Variants in HMGCLL1 observed in about 807,000 individuals in gnomAD.
HMGCLL1 encodes the protein 3-hydroxymethyl-3-methylglutaryl-CoA lyase, cytoplasmic.
HMGCLL1 carries 36 observed loss-of-function variants against 39.1 expected under a neutral mutation model. The ratio of observed to expected loss-of-function variants is 0.92; its 90% CI spans 0.71 to 1.22. The LOEUF (loss-of-function observed/expected upper bound fraction) is 1.22. HMGCLL1 is among the 50% of genes most tolerant of loss of function. The pLI is 0.00. For missense variants in HMGCLL1, 451 were observed against 416.5 expected (o/e 1.08, Z -0.72); for synonymous variants, 149 against 144.0 (o/e 1.03, Z -0.25).
the HMGCLL1 span, among the ~76,000 whole-genome samples, chr6:55,630,300 G>A: frequency 6.6e-6 from 1 of 152,100 alleles, no homozygotes; most frequent in African/African-American, 2.4e-5. Context: ...CAAGAATGGG[G>A]TGGGTGGCCC....
chr6:55,634,227 A>G, the HMGCLL1 span, among the ~76,000 whole-genome samples: 35 of 152,250 alleles, frequency 2.3e-4, no homozygotes, highest in East Asian at 6.4e-3. Context: ...AGATATTAAT[A>G]AAATTGATAG....
intron 1 of HMGCLL1, among the ~76,000 whole-genome samples, chr6:55,575,818 T>C (rs1771734462): frequency 6.6e-6 from 1 of 152,132 alleles, no homozygotes; most frequent in Non-Finnish European, 1.5e-5. Flanking sequence ...TCAAACTCTA[T>C]ACCATGTCCC....
intron 7 of HMGCLL1, among the ~76,000 whole-genome samples, chr6:55,481,155 T>A (rs533193955): frequency 6.6e-6 from 1 of 151,956 alleles, no homozygotes; most frequent in Non-Finnish European, 1.5e-5. Flanking sequence ...CTAATGTGGG[T>A]GGATTGCTTG....
chr6:55,486,660 C>A (rs74748359), intron 7 of HMGCLL1, among the ~76,000 whole-genome samples: 1 of 152,080 alleles, frequency 6.6e-6, no homozygotes, highest in African/African-American at 2.4e-5. Context: ...CGTCACCTTA[C>A]ATACACTCAC....
At chr6:55,675,965 C>T in the HMGCLL1 span, among the ~76,000 whole-genome samples, 1 of 152,106 alleles carries the variant, frequency 6.6e-6, no homozygotes, top group Non-Finnish European at 1.5e-5. Context: ...CATATCAAAG[C>T]TCTGAGCTGC....
intron 1 of HMGCLL1, among the ~76,000 whole-genome samples, chr6:55,554,048 C>T (rs1436809593): frequency 2.6e-5 from 4 of 152,076 alleles, no homozygotes; most frequent in Non-Finnish European, 5.9e-5. Context: ...TGAGAGGCAA[C>T]AGAGGGGCAC....
chr6:55,523,719 G>C (rs1768159583), intron 3 of HMGCLL1, among the ~76,000 whole-genome samples: 1 of 151,888 alleles, frequency 6.6e-6, no homozygotes. Context: ...TAGAGCAAGA[G>C]TGCATATTCA....
chr6:55,554,058 CTCACTTCAACATGAGGATAAATGAG>C (rs1300736836), intron 1 of HMGCLL1, among the ~76,000 whole-genome samples: 5 of 152,130 alleles, frequency 3.3e-5, no homozygotes, highest in Non-Finnish European at 7.3e-5. Flanking sequence ...CAGAGGGGCA[CTCACTTCAACATGAGGATAAATGAG>C]AGCTCGTATT....
At chr6:55,466,934 G>C in intron 7 of HMGCLL1, among the ~76,000 whole-genome samples, 1 of 151,974 alleles carries the variant, frequency 6.6e-6, no homozygotes, top group East Asian at 1.9e-4. Context: ...TGAAGTTTTG[G>C]CATCAGAATG....
intron 1 of HMGCLL1, among the ~76,000 whole-genome samples, chr6:55,567,009 T>TG (rs1771249688): frequency 6.6e-6 from 1 of 152,128 alleles, no homozygotes; most frequent in Non-Finnish European, 1.5e-5. Context: ...GACCTAAGTG[T>TG]TTATGTCCTT....
chr6:55,668,032 A>G, the HMGCLL1 span, among the ~76,000 whole-genome samples: 1 of 151,836 alleles, frequency 6.6e-6, no homozygotes, highest in Non-Finnish European at 1.5e-5. Context: ...ATTCACTTCT[A>G]TGGCACACTG....
intron 1 of HMGCLL1, chr6:55,576,995 G>A (rs1771789632): frequency 1.3e-6 from 2 of 1,564,380 alleles, no homozygotes; most frequent in South Asian, 2.3e-5. Context: ...TACACAAACA[G>A]TAATCAAATC....
At chr6:55,651,864 T>A in the HMGCLL1 span, among the ~76,000 whole-genome samples, 1 of 152,072 alleles carries the variant, frequency 6.6e-6, no homozygotes, top group Non-Finnish European at 1.5e-5. Context: ...TTCTCTGTTG[T>A]GAGAGAGCAG....
intron 5 of HMGCLL1, among the ~76,000 whole-genome samples, chr6:55,503,205 A>C (rs979369985): frequency 6.6e-6 from 1 of 151,814 alleles, no homozygotes; most frequent in Non-Finnish European, 1.5e-5. Flanking sequence ...TTAATTTCTT[A>C]ATTTGGGTTT....
At chr6:55,639,582 T>C in the HMGCLL1 span, among the ~76,000 whole-genome samples, 2 of 151,990 alleles carry the variant, frequency 1.3e-5, no homozygotes, top group Admixed American at 6.6e-5. Context: ...CAGGCAGTGC[T>C]GGAACTAGAA....
the HMGCLL1 span, among the ~76,000 whole-genome samples, chr6:55,663,778 G>A: frequency 4.6e-5 from 7 of 151,802 alleles, no homozygotes; most frequent in South Asian, 2.1e-4. Flanking sequence ...GAGTATTGAT[G>A]TCTCCCACTA....
At chr6:55,533,873 G>C (rs1002496161) in intron 3 of HMGCLL1, among the ~76,000 whole-genome samples, 1 of 59,224 alleles carries the variant, frequency 1.7e-5, no homozygotes, top group South Asian at 4.5e-4. Flanking sequence ...GCGACAGAGC[G>C]AGACTCCGTC....
At chr6:55,452,357 G>A (rs746232019) in intron 7 of HMGCLL1, among the ~76,000 whole-genome samples, 60 of 152,324 alleles carry the variant, frequency 3.9e-4, no homozygotes, top group Admixed American at 7.8e-4. Context: ...TATAAGAGGT[G>A]AGATGTACAG....
the HMGCLL1 span, among the ~76,000 whole-genome samples, chr6:55,628,370 G>A: frequency 3.3e-3 from 493 of 148,700 alleles, 4 homozygotes; most frequent in Non-Finnish European, 5.3e-3. Flanking sequence ...GGCACAACTT[G>A]GGCTCACTGC....
Sources: allele counts gnomAD v4.1 joint callset (sites outside exome capture counted in the v4.1 genomes callset), GRCh38; gene constraint gnomAD v4.1.1; transcripts MANE v1.5; gene names NCBI Gene and HGNC (gene_info 2026-07-23, HGNC 2026-07-21).